ANO3: variants seen among roughly 807,000 people sequenced by gnomAD.
ANO3 encodes anoctamin 3.
In ANO3, 99 loss-of-function variants were observed where a neutral mutation model predicts 144.8. The ratio of observed to expected loss-of-function variants is 0.68; its 90% CI spans 0.58 to 0.81. The LOEUF (loss-of-function observed/expected upper bound fraction) is 0.81. ANO3 is among the 30% of genes least tolerant of loss of function. The probability of loss-of-function intolerance (pLI) is 0.00; values close to 1 mark genes in which losing one functional copy is unlikely to be tolerated. For synonymous variants in ANO3, 414 were observed against 392.6 expected (o/e 1.05, Z -0.64); for missense variants, 905 against 1,202.2 (o/e 0.75, Z 3.66).
chr11:26,639,123 T>C, intron 20 of ANO3, 21 bp from the exon 21 acceptor site: 1 of 1,521,964 alleles, frequency 6.6e-7, no homozygotes, highest in Non-Finnish European at 9.1e-7. Context: ...ATATCATTAT[T>C]GCTCTTATGT....
chr11:26,200,022 C>G (rs1034872643), intron 1 of ANO3, among the ~76,000 whole-genome samples: 6 of 152,120 alleles, frequency 3.9e-5, no homozygotes, highest in African/African-American at 1.2e-4. Context: ...TCTGGACTTA[C>G]TTTCTGGGCT....
chr11:26,544,251 C>CACATATATATATATATATAT (rs1183023481), intron 11 of ANO3, among the ~76,000 whole-genome samples: 669 of 38,152 alleles, frequency 0.018, 53 homozygotes, highest in Non-Finnish European at 0.028. Context: ...TTTCATTATA[C>CACATATATATATATATATAT]ATATATATAT....
chr11:26,516,548 A>G (rs1254313657), intron 5 of ANO3, among the ~76,000 whole-genome samples: 1 of 151,914 alleles, frequency 6.6e-6, no homozygotes, highest in Non-Finnish European at 1.5e-5. Context: ...CTCATGATTG[A>G]TTGTTCTGAT....
At chr11:26,236,173 T>C (rs1852517796) in intron 1 of ANO3, among the ~76,000 whole-genome samples, 2 of 152,114 alleles carry the variant, frequency 1.3e-5, no homozygotes, top group South Asian at 2.1e-4. Context: ...AACATTCAAG[T>C]TGCTTTCAAA....
At chr11:26,223,059 A>G (rs899025483) in intron 1 of ANO3, among the ~76,000 whole-genome samples, 2 of 150,374 alleles carry the variant, frequency 1.3e-5, no homozygotes, top group Non-Finnish European at 3.0e-5. Context: ...TTTTCTTTCT[A>G]TCACATGGCT....
intron 14 of ANO3, chr11:26,560,916 T>G: frequency 1.4e-6 from 1 of 737,640 alleles, no homozygotes; most frequent in East Asian, 3.1e-5. Flanking sequence ...ACATCCTGTC[T>G]ACATTTCTGC....
At chr11:26,423,379 T>C (rs911915876) in intron 1 of ANO3, among the ~76,000 whole-genome samples, 1 of 146,216 alleles carries the variant, frequency 6.8e-6, no homozygotes, top group Non-Finnish European at 1.5e-5. Context: ...TTACAACCAA[T>C]ACTGAATTAA....
chr11:26,288,154 G>A (rs1188463498), intron 1 of ANO3: 1 of 153,058 alleles, frequency 6.5e-6, no homozygotes, highest in East Asian at 1.9e-4. Flanking sequence ...GGCTAAGTGA[G>A]GAAGCAGGGT....
chr11:26,441,770 TAAAC>T (rs1858530331), intron 1 of ANO3, 144 bp from the exon 2 acceptor site: 2 of 563,556 alleles, frequency 3.5e-6, no homozygotes, highest in Non-Finnish European at 6.1e-6. Flanking sequence ...TGACAAAACA[TAAAC>T]AAGACTAACT....
chr11:26,440,194 T>G (rs1858461910), intron 1 of ANO3, among the ~76,000 whole-genome samples: 1 of 152,156 alleles, frequency 6.6e-6, no homozygotes, highest in Non-Finnish European at 1.5e-5. Flanking sequence ...ATCAAGCAGC[T>G]TTGTACAATT....
At position 26,217,329 on chromosome 11, in the gene ANO3, C is replaced by A. The variant is rs867215868; in HGVS notation, c.154+27999C>A. Among the ~76,000 whole-genome samples, 7 of 152,106 alleles carry A rather than the reference C, an allele frequency of 4.6e-5. No homozygotes were observed. The East Asian group carries it at 5.8e-4, about 13-fold the overall frequency. On this transcript the variant is annotated intron_variant, in intron 1 of 27. Coordinates refer to the ANO3 transcript ENST00000672621. ...ACAGGACATTTTTTAAAATCATCCC[C>A]CCCATCTATCAATCTCTATCCCTCT... is the stretch of plus-strand genomic sequence containing the variant.
chr11:26,337,915 A>G (rs1432557714), intron 1 of ANO3, among the ~76,000 whole-genome samples: 2 of 152,126 alleles, frequency 1.3e-5, no homozygotes, highest in African/African-American at 4.8e-5. Flanking sequence ...AGCCTGAGTG[A>G]TAGAGCAAAA....
At chr11:26,480,028 T>C (rs1015433255) in intron 4 of ANO3, among the ~76,000 whole-genome samples, 6 of 152,150 alleles carry the variant, frequency 3.9e-5, no homozygotes, top group African/African-American at 9.7e-5. Context: ...TTGGACTAGA[T>C]TGTGCATGTG....
chr11:26,326,475 T>C (rs1404132533), intron 1 of ANO3, among the ~76,000 whole-genome samples: 2 of 152,174 alleles, frequency 1.3e-5, no homozygotes, highest in African/African-American at 4.8e-5. Context: ...GCAGTCTGCT[T>C]TTATCAACGA....
intron 23 of ANO3, among the ~76,000 whole-genome samples, chr11:26,645,010 TGAC>T (rs1184901824): frequency 6.6e-6 from 1 of 151,982 alleles, no homozygotes; most frequent in Non-Finnish European, 1.5e-5. Flanking sequence ...TTATTATTTT[TGAC>T]ATTCTTAAAA....
At chr11:26,499,634 A>G (rs1861109767) in intron 4 of ANO3, among the ~76,000 whole-genome samples, 2 of 151,452 alleles carry the variant, frequency 1.3e-5, no homozygotes. Flanking sequence ...TTCTATTTCT[A>G]TATTGTTTTA....
At chr11:26,190,657 T>C (rs886898425) in intron 1 of ANO3, among the ~76,000 whole-genome samples, 1 of 152,208 alleles carries the variant, frequency 6.6e-6, no homozygotes, top group East Asian at 1.9e-4. Context: ...ATTCAACTAT[T>C]GTCTTTATGC....
chr11:26,381,878 A>G (rs1387874067), intron 1 of ANO3, among the ~76,000 whole-genome samples: 1 of 152,204 alleles, frequency 6.6e-6, no homozygotes, highest in Non-Finnish European at 1.5e-5. Context: ...TATTTTTAGA[A>G]GTAAACATGA....
At chr11:26,228,390 A>C (rs12805185) in intron 1 of ANO3, among the ~76,000 whole-genome samples, 54,899 of 152,170 alleles carry the variant, frequency 0.36, 11,034 homozygotes, top group Non-Finnish European at 0.44. Flanking sequence ...ACTATAAGAA[A>C]AAGCTGCTGA....
Sources: gnomAD v4.1 joint callset for allele counts (sites outside exome capture counted in the v4.1 genomes callset) on GRCh38, gnomAD v4.1.1 for gene constraint, MANE v1.5 for transcripts, NCBI Gene and HGNC (gene_info 2026-07-23, HGNC 2026-07-21) for gene names.